GFM2: variants seen among roughly 807,000 people sequenced by gnomAD.
GFM2 encodes GTP dependent ribosome recycling factor mitochondrial 2, also known as ribosome-releasing factor 2, mitochondrial.
In GFM2, 72 loss-of-function variants were observed where a neutral mutation model predicts 95.4. The observed-to-expected ratio is 0.76, with a 90% CI of 0.62 to 0.92. GFM2 has a LOEUF of 0.92. GFM2 is among the 40% of genes least tolerant of loss of function. The pLI is 0.00. For synonymous variants in GFM2, 276 were observed against 317.5 expected (o/e 0.87, Z 1.39); for missense variants, 825 against 924.1 (o/e 0.89, Z 1.39).
At chr5:74,722,211 A>G in intron 20 of GFM2, 168 bp downstream of exon 20, 1 of 631,672 alleles carries the variant, frequency 1.6e-6, no homozygotes. Flanking sequence ...TTCGCCAACA[A>G]TTTAAATTCA....
At chr5:74,732,055 A>G (rs1035745829) in intron 16 of GFM2, among the ~76,000 whole-genome samples, 12 of 151,584 alleles carry the variant, frequency 7.9e-5, no homozygotes, top group Admixed American at 5.9e-4. Flanking sequence ...CCCAGGTTTA[A>G]GCAACCTTCC....
intron 1 of GFM2, among the ~76,000 whole-genome samples, chr5:74,764,237 G>A (rs1415652277): frequency 6.6e-6 from 1 of 152,136 alleles, no homozygotes; most frequent in Non-Finnish European, 1.5e-5. Flanking sequence ...ATAAAAGCAA[G>A]TCCTCTTCCT....
chr5:74,736,786 C>A lies in GFM2; in HGVS notation c.1510+10G>T. Reference sequence around the variant, plus strand: ...GCACTAATTAGTTGACACACTAAGACCATTTATACCTGGCTGCTTAGACAG... The same window carrying A: ...GCACTAATTAGTTGACACACTAAGAACATTTATACCTGGCTGCTTAGACAG... On this transcript the variant is annotated intron_variant, in intron 15 of 20. Transcript: ENST00000296805. The A allele has an allele frequency of 6.2e-7, 1 of 1,613,550 alleles. No homozygotes were observed. Among genetic ancestry groups the A allele is most frequent in the Non-Finnish European group, 8.5e-7 (1 of 1,179,562 alleles).
At chr5:74,735,872 C>T (rs1318643013) in intron 15 of GFM2, among the ~76,000 whole-genome samples, 1 of 152,294 alleles carries the variant, frequency 6.6e-6, no homozygotes, top group East Asian at 1.9e-4. Context: ...GCCTTCCACT[C>T]TACTCTGCTG....
intron 10 of GFM2, among the ~76,000 whole-genome samples, chr5:74,742,519 A>C (rs1392512723): frequency 2.0e-5 from 3 of 152,210 alleles, no homozygotes; most frequent in Non-Finnish European, 4.4e-5. Flanking sequence ...TGCTTTAAGA[A>C]TATATACTAG....
At chr5:74,728,274 A>C (rs1750239357) in intron 17 of GFM2, among the ~76,000 whole-genome samples, 1 of 152,190 alleles carries the variant, frequency 6.6e-6, no homozygotes, top group Non-Finnish European at 1.5e-5. Flanking sequence ...ACAAATAAAC[A>C]GTCAATTAAC....
chr5:74,748,542 G>A (rs1446345750), intron 7 of GFM2, among the ~76,000 whole-genome samples: 2 of 152,018 alleles, frequency 1.3e-5, no homozygotes, highest in Non-Finnish European at 2.9e-5. Context: ...AGGTATTTCC[G>A]TTCTTTTTAA....
intron 7 of GFM2, among the ~76,000 whole-genome samples, chr5:74,748,871 AAAATAAAATAAAATAAAAT>A (rs1351377678): frequency 2.3e-5 from 3 of 132,948 alleles, no homozygotes; most frequent in South Asian, 2.3e-4. Context: ...GTCTCAAAAT[AAAATAAAATAAAATAAAAT>A]AAATAAAATA....
chr5:74,755,463 TA>T (rs771218921), intron 5 of GFM2, among the ~76,000 whole-genome samples: 1 of 151,998 alleles, frequency 6.6e-6, no homozygotes, highest in African/African-American at 2.4e-5. Context: ...AAAAGATAAA[TA>T]AAATTGATAG....
At chr5:74,754,619 G>C (rs1222003762) in intron 5 of GFM2, among the ~76,000 whole-genome samples, 1 of 152,038 alleles carries the variant, frequency 6.6e-6, no homozygotes, top group Non-Finnish European at 1.5e-5. Flanking sequence ...GACAAAGAGG[G>C]ATATTATACA....
At chr5:74,740,209 T>C (rs1743046627) in intron 11 of GFM2, 72 bp from the exon 12 acceptor site, 1 of 1,329,160 alleles carries the variant, frequency 7.5e-7, no homozygotes. Context: ...AATTAGAGGT[T>C]TTCTCTAACC....
At position 74,725,724 on chromosome 5, in the gene GFM2, T is replaced by A; in HGVS notation, c.1944A>T (p.Val648=). 6.2e-7 allele frequency: 1 copy of A among 1,613,796 alleles called. No homozygotes were observed. The highest frequency in any genetic ancestry group is 1.7e-5 in the Admixed American group (1 of 59,982). Residue 648 remains valine, a synonymous_variant, in exon 19 of 21, where the codon GTA becomes GTT. Transcript: ENST00000296805. The stretch of plus-strand genomic sequence containing the variant: ...TTGTCAGGGAATGTAAAGTAATTGC[T>A]ACATCCTGAATTGGGGATCCAAGCA... The part of the protein sequence containing the change: ...GPLLGSPIQD[V]AITLHSLTIH...
chr5:74,723,655 GTT>G (rs1255098902), intron 19 of GFM2, among the ~76,000 whole-genome samples: 1 of 152,024 alleles, frequency 6.6e-6, no homozygotes, highest in African/African-American at 2.4e-5. Context: ...CTTTAATGTA[GTT>G]TTTAAAGTTT....
Position 74,725,998 on chromosome 5 carries a change from G to A in GFM2, c.1855C>T (p.Leu619Phe), listed in dbSNP as rs34172202. Residue 619 changes from leucine (L) to phenylalanine (F), a missense_variant, in exon 18 of 21, where the codon CTT (leucine) becomes TTT (phenylalanine). Coordinates refer to ENST00000296805, the MANE Select transcript of GFM2 (RefSeq NM_032380.5). ...ATGGCCTCTTGGGAGACCTTCAAAA[G>A]GCCTTCATTGATACTTTCAGCATAC... The part of the protein sequence containing the change: ...FEYAESINEG[L>F]LKVSQEAIEN... 2 of 1,608,874 alleles carry A rather than the reference G, an allele frequency of 1.2e-6. No homozygotes were observed. Among genetic ancestry groups the A allele is most frequent in the African/African-American group, 1.4e-5 (1 of 71,378 alleles).
At chr5:74,755,092 T>C (rs1474398791) in intron 5 of GFM2, among the ~76,000 whole-genome samples, 2 of 152,012 alleles carry the variant, frequency 1.3e-5, no homozygotes, top group Non-Finnish European at 2.9e-5. Flanking sequence ...CCAGACTCCA[T>C]CTCAAAAAAG....
rs375616454 is a variant in GFM2, at chr5:74,721,831, A to T, written c.2212-48T>A. The T allele has an allele frequency of 1.7e-5, 26 of 1,541,308 alleles. No homozygotes were observed. In the African/African-American group the frequency reaches 3.3e-4, roughly 20 times the overall value. On this transcript the variant is annotated intron_variant, in intron 20 of 20. Coordinates refer to ENST00000296805, the MANE Select transcript of GFM2 (RefSeq NM_032380.5). ...TTTATATTATCAAATTTAAGCCTCA[A>T]GTTTCTCTTCCTGCTGATTATCTTT...
chr5:74,756,958 T>C (rs1012179222), intron 5 of GFM2, among the ~76,000 whole-genome samples: 7 of 152,060 alleles, frequency 4.6e-5, no homozygotes, highest in African/African-American at 1.5e-4. Flanking sequence ...AGACTACACA[T>C]TGGGTACAGT....
Position 74,725,998 on chromosome 5 carries a change from G to T in GFM2, c.1855C>A (p.Leu619Ile). ...ATGGCCTCTTGGGAGACCTTCAAAA[G>T]GCCTTCATTGATACTTTCAGCATAC... ...FEYAESINEG[L>I]LKVSQEAIEN... The change falls in exon 18 of 21, where the codon CTT becomes ATT. Residue 619 changes from leucine to isoleucine, a missense_variant. Physicochemically the swap from Leu to Ile is conservative, Grantham distance 5. Coordinates refer to ENST00000296805, the MANE Select transcript of GFM2 (RefSeq NM_032380.5). 1 of 1,608,874 alleles carries T rather than the reference G, an allele frequency of 6.2e-7. No individual in the cohort carries two copies. The highest frequency in any genetic ancestry group is 8.5e-7 in the Non-Finnish European group (1 of 1,179,476).
chr5:74,735,192 G>C (rs1192773860), intron 15 of GFM2, among the ~76,000 whole-genome samples: 1 of 152,028 alleles, frequency 6.6e-6, no homozygotes, highest in Non-Finnish European at 1.5e-5. Flanking sequence ...TGTCCTCAAG[G>C]CATTTAAAGT....
Sources: gnomAD v4.1 joint callset for allele counts (sites outside exome capture counted in the v4.1 genomes callset) on GRCh38, gnomAD v4.1.1 for gene constraint, MANE v1.5 for transcripts, NCBI Gene and HGNC (gene_info 2026-07-23, HGNC 2026-07-21) for gene names.